The following DTWD2 variants were observed in gnomAD, a reference collection of about 807,000 sequenced individuals.
DTWD2 encodes DTW motif tRNA-uridine aminocarboxypropyltransferase 2.
A neutral mutation model predicts 31.8 loss-of-function variants in DTWD2; 39 were observed. The ratio of observed to expected loss-of-function variants is 1.22; its 90% CI spans 0.95 to 1.60. DTWD2 has a LOEUF of 1.60. Among genes scored for constraint, DTWD2 ranks in the 40% most tolerant of loss-of-function variants. The pLI, the probability that DTWD2 is intolerant of heterozygous loss-of-function variation, is 0.00. For missense variants in DTWD2, 515 were observed against 381.5 expected (o/e 1.35, Z -2.92); for synonymous variants, 180 against 142.8 (o/e 1.26, Z -1.86).
chr5:118,942,930 G>A (rs1464423744), intron 2 of DTWD2, among the ~76,000 whole-genome samples: 2 of 151,918 alleles, frequency 1.3e-5, no homozygotes, highest in East Asian at 3.9e-4. Context: ...AGCCTCCCAA[G>A]TAGCTAGGCC....
intron 4 of DTWD2, among the ~76,000 whole-genome samples, chr5:118,873,835 A>G (rs1406008039): frequency 6.6e-6 from 1 of 152,028 alleles, no homozygotes; most frequent in Non-Finnish European, 1.5e-5. Flanking sequence ...CTCCATCTCA[A>G]CTGCAACAGA....
chr5:118,908,477 G>C (rs1753383044), intron 4 of DTWD2, among the ~76,000 whole-genome samples: 1 of 152,116 alleles, frequency 6.6e-6, no homozygotes, highest in African/African-American at 2.4e-5. Context: ...CAAAGAGCTA[G>C]TAATTAAGAA....
intron 4 of DTWD2, among the ~76,000 whole-genome samples, chr5:118,867,768 C>T (rs547875060): frequency 5.3e-5 from 8 of 152,202 alleles, no homozygotes; most frequent in Admixed American, 1.3e-4. Context: ...AAGAAATTAA[C>T]GAAGACACCA....
Position 118,837,527 on chromosome 5 carries a change from T to C in DTWD2, c.*3390A>G, listed in dbSNP as rs1442493262. ...CAATTTAGCTCCCTGAAATTCAGCATCCCTGAAATTCAATGGAAAGGATTT... is the reference window on the plus strand; with the variant it reads ...CAATTTAGCTCCCTGAAATTCAGCACCCCTGAAATTCAATGGAAAGGATTT... On this transcript the variant is annotated 3_prime_UTR_variant, in exon 6 of 6. Transcript: ENST00000510708. 2 of 152,316 alleles carry C rather than the reference T, an allele frequency of 1.3e-5. No individual in the cohort carries two copies. The highest frequency in any genetic ancestry group is 3.9e-4 in the East Asian group (2 of 5,188). The allele number at this position is 152,316 out of a possible 1,614,324, so 9.4% of individuals were successfully genotyped here. A position where few individuals can be genotyped will look rare whatever the true frequency, so the allele number is the denominator to read the frequency against.
chr5:118,961,506 T>C (rs1427922405), intron 1 of DTWD2, among the ~76,000 whole-genome samples: 1 of 152,186 alleles, frequency 6.6e-6, no homozygotes, highest in East Asian at 1.9e-4. Flanking sequence ...GTGCATTTCC[T>C]GGGTACTAGA....
chr5:118,928,404 G>A (rs1753852019), intron 4 of DTWD2, 133 bp downstream of exon 4: 1 of 459,428 alleles, frequency 2.2e-6, no homozygotes, highest in African/African-American at 2.0e-5. Context: ...ATATATCTAG[G>A]TACTATATAT....
At chr5:118,931,104 A>G (rs1344919394) in intron 3 of DTWD2, among the ~76,000 whole-genome samples, 1 of 152,154 alleles carries the variant, frequency 6.6e-6, no homozygotes, top group African/African-American at 2.4e-5. Flanking sequence ...TAATCAAAAG[A>G]TAATTCCAGG....
chr5:118,920,237 G>T (rs1753671334), intron 4 of DTWD2, among the ~76,000 whole-genome samples: 1 of 151,934 alleles, frequency 6.6e-6, no homozygotes, highest in African/African-American at 2.4e-5. Flanking sequence ...TAATTTCAAG[G>T]AATGCTCCCA....
At chr5:118,913,019 C>G (rs544280281) in intron 4 of DTWD2, among the ~76,000 whole-genome samples, 113 of 152,248 alleles carry the variant, frequency 7.4e-4, no homozygotes, top group African/African-American at 2.4e-3. Flanking sequence ...GGGCTCATTA[C>G]GAAGTGGAAG....
intron 4 of DTWD2, among the ~76,000 whole-genome samples, chr5:118,860,659 C>T (rs1752239672): frequency 6.6e-6 from 1 of 152,122 alleles, no homozygotes; most frequent in South Asian, 2.1e-4. Context: ...AGTTTCCCCA[C>T]AAGTTCATAA....
chr5:118,941,737 C>G (rs1043582017), intron 2 of DTWD2, among the ~76,000 whole-genome samples: 2 of 152,206 alleles, frequency 1.3e-5, no homozygotes, highest in African/African-American at 4.8e-5. Flanking sequence ...AGTTCTAGAT[C>G]CCTGAGGAAT....
chr5:118,868,200 A>G (rs894100718), intron 4 of DTWD2, among the ~76,000 whole-genome samples: 2 of 152,110 alleles, frequency 1.3e-5, no homozygotes, highest in Non-Finnish European at 2.9e-5. Context: ...CAGAAATACG[A>G]GATACCCACA....
At chr5:118,851,946 A>G (rs1188621468) in intron 4 of DTWD2, among the ~76,000 whole-genome samples, 1 of 152,114 alleles carries the variant, frequency 6.6e-6, no homozygotes, top group African/African-American at 2.4e-5. Flanking sequence ...GCCTGAGGGT[A>G]CTGCAGGAGA....
At chr5:118,965,378 G>A (rs545486362) in intron 1 of DTWD2, among the ~76,000 whole-genome samples, 1 of 150,452 alleles carries the variant, frequency 6.6e-6, no homozygotes, top group Non-Finnish European at 1.5e-5. Flanking sequence ...GCCCCTTCTG[G>A]GAAGTGAGGA....
intron 3 of DTWD2, among the ~76,000 whole-genome samples, chr5:118,936,567 G>A (rs548751541): frequency 7.2e-5 from 11 of 152,204 alleles, no homozygotes; most frequent in African/African-American, 2.2e-4. Flanking sequence ...CACTTTGGAA[G>A]GCCAAGATGA....
chr5:118,855,178 AT>A (rs201074897), intron 4 of DTWD2, among the ~76,000 whole-genome samples: 2,942 of 149,564 alleles, frequency 0.02, 39 homozygotes, highest in Middle Eastern at 0.031. Flanking sequence ...AAAAAAAAAA[AT>A]AATCATCATC....
chr5:118,907,636 C>T (rs1418315003), intron 4 of DTWD2, among the ~76,000 whole-genome samples: 1 of 151,662 alleles, frequency 6.6e-6, no homozygotes, highest in African/African-American at 2.4e-5. Flanking sequence ...GAGGCTAAGG[C>T]AGGACAATCA....
At chr5:118,938,964 T>C (rs564488603) in intron 3 of DTWD2, among the ~76,000 whole-genome samples, 2 of 152,230 alleles carry the variant, frequency 1.3e-5, no homozygotes, top group South Asian at 2.1e-4. Context: ...GAAATTCAGA[T>C]AATGCTATCA....
rs34329039 is a variant in DTWD2, at chr5:118,981,546, G to GAA, written c.218+6746_218+6747dup. ...AAGCAAACAAACAATAAACTCAGCA[G>GAA]AAAAAAAAAATCCAACCCCTCCCTC... On this transcript the variant is annotated intron_variant, in intron 1 of 5. Transcript: ENST00000510708. Among the ~76,000 whole-genome samples, 94 of 149,762 alleles carry GAA rather than the reference G, an allele frequency of 6.3e-4. 3 individuals carry two copies. The South Asian group carries it at 0.018, about 28-fold the overall frequency.
Sources: allele counts gnomAD v4.1 joint callset (sites outside exome capture counted in the v4.1 genomes callset), GRCh38; gene constraint gnomAD v4.1.1; transcripts MANE v1.5; gene names NCBI Gene and HGNC (gene_info 2026-07-23, HGNC 2026-07-21).